The following KIAA1328 variants were observed in gnomAD, a reference collection of about 807,000 sequenced individuals.
KIAA1328 encodes the protein protein hinderin.
KIAA1328 carries 52 observed loss-of-function variants against 68.1 expected under a neutral mutation model. The ratio of observed to expected loss-of-function variants is 0.76; its 90% CI spans 0.61 to 0.96. The LOEUF is 0.96. Ranked by LOEUF, KIAA1328 falls within the 40% of genes least tolerant of loss-of-function variation. The probability of loss-of-function intolerance (pLI) is 0.00; values close to 1 mark genes in which losing one functional copy is unlikely to be tolerated. For missense variants in KIAA1328, 641 were observed against 677.6 expected, an observed-to-expected ratio of 0.95 and a Z score of 0.60; for synonymous variants, 232 against 239.4, an observed-to-expected ratio of 0.97 and a Z score of 0.28.
intron 6 of KIAA1328, among the ~76,000 whole-genome samples, chr18:37,007,557 C>T (rs117992693): frequency 2.2e-4 from 33 of 152,160 alleles, no homozygotes; most frequent in Non-Finnish European, 3.8e-4. Context: ...TTCAAAGTGC[C>T]TGTGGTTTTC....
chr18:37,137,874 C>CGTT (rs2058679188), intron 7 of KIAA1328, among the ~76,000 whole-genome samples: 1 of 152,132 alleles, frequency 6.6e-6, no homozygotes, highest in Non-Finnish European at 1.5e-5. Context: ...AGGTCCAAAC[C>CGTT]TGTCCTTATA....
chr18:37,150,192 A>G (rs922555075), intron 7 of KIAA1328, among the ~76,000 whole-genome samples: 1 of 152,172 alleles, frequency 6.6e-6, no homozygotes, highest in African/African-American at 2.4e-5. Flanking sequence ...AGAAGAAATA[A>G]TATCAATCTT....
chr18:37,103,418 C>T (rs1342590882), intron 7 of KIAA1328, among the ~76,000 whole-genome samples: 1 of 152,084 alleles, frequency 6.6e-6, no homozygotes, highest in Non-Finnish European at 1.5e-5. Flanking sequence ...ACAGTCTTTT[C>T]AATAAACCAT....
chr18:36,953,637 T>C (rs2051268179), intron 5 of KIAA1328, among the ~76,000 whole-genome samples: 1 of 152,110 alleles, frequency 6.6e-6, no homozygotes, highest in Admixed American at 6.6e-5. Context: ...AATACAGAAC[T>C]AAATGAAGTG....
chr18:37,001,757 A>G (rs1477656381), intron 6 of KIAA1328, among the ~76,000 whole-genome samples: 1 of 152,330 alleles, frequency 6.6e-6, no homozygotes, highest in East Asian at 1.9e-4. Flanking sequence ...CAAAAAGTAT[A>G]TGATCATCTC....
chr18:36,944,350 G>A (rs956052361), intron 5 of KIAA1328, among the ~76,000 whole-genome samples: 5 of 152,084 alleles, frequency 3.3e-5, no homozygotes, highest in African/African-American at 4.8e-5. Flanking sequence ...AGGACAAGGC[G>A]GGCGGATCAC....
rs1484085111 is a variant in KIAA1328 at position 37,160,213 on chromosome 18, A to G, written c.1246A>G (p.Asn416Asp). The change falls in exon 8 of 10, where the codon AAC (asparagine) becomes GAC (aspartate). Residue 416 changes from asparagine to aspartate, a missense_variant. By Grantham distance (23) the Asn-to-Asp change is conservative. Transcript: ENST00000280020. ...TTGTTCTTTCAGTTTATTGAAGTCA[A>G]ACTGTGATGGCTGGCTGCTTGGAAC... Reference protein sequence around the residue: ...RLDYNCLLKSNCDGWLLGTSS... With the variant: ...RLDYNCLLKSDCDGWLLGTSS... 1.9e-6 allele frequency: 3 copies of G among 1,612,068 alleles called. No homozygotes were observed. Among genetic ancestry groups the G allele is most frequent in the South Asian group, 1.1e-5 (1 of 90,682 alleles).
At chr18:36,958,260 T>A (rs1000982375) in intron 5 of KIAA1328, among the ~76,000 whole-genome samples, 1 of 152,216 alleles carries the variant, frequency 6.6e-6, no homozygotes, top group Non-Finnish European at 1.5e-5. Flanking sequence ...GTTGAATATG[T>A]ATATACAAGT....
At chr18:37,036,957 A>G (rs539686353) in intron 6 of KIAA1328, among the ~76,000 whole-genome samples, 1 of 152,270 alleles carries the variant, frequency 6.6e-6, no homozygotes, top group African/African-American at 2.4e-5. Flanking sequence ...TGATATACAG[A>G]CCCTAAGAAA....
In KIAA1328 at chr18:37,067,398, T is replaced by C; in HGVS notation, c.1085T>C (p.Ile362Thr). Residue 362 changes from isoleucine to threonine, a missense_variant, in exon 7 of 10, where the codon ATC becomes ACC. Ile to Thr is a moderately conservative substitution (Grantham distance 89). Coordinates refer to ENST00000280020, the MANE Select transcript of KIAA1328 (RefSeq NM_020776.3). The stretch of plus-strand genomic sequence containing the variant: ...CCCATTGAAACTTTGAAAAAGCAGA[T>C]CTCAGAAGATAGAAAGCAGCAACTG... Reference protein sequence around the residue: ...LQPIETLKKQISEDRKQQLML... With the variant: ...LQPIETLKKQTSEDRKQQLML... The C allele has an allele frequency of 6.2e-7, 1 of 1,612,514 alleles. No homozygotes were observed. The highest frequency in any genetic ancestry group is 8.5e-7 in the Non-Finnish European group (1 of 1,179,240).
chr18:37,058,903 T>G (rs2056035862), intron 6 of KIAA1328, among the ~76,000 whole-genome samples: 1 of 151,826 alleles, frequency 6.6e-6, no homozygotes, highest in South Asian at 2.1e-4. Flanking sequence ...GTGCAAGTTG[T>G]GTTTTTTTTT....
intron 5 of KIAA1328, among the ~76,000 whole-genome samples, chr18:36,889,954 C>T (rs1351767497): frequency 3.9e-5 from 6 of 152,280 alleles, no homozygotes; most frequent in African/African-American, 1.4e-4. Flanking sequence ...GTACCACTTG[C>T]ACCTGTTGAG....
intron 6 of KIAA1328, among the ~76,000 whole-genome samples, chr18:36,971,346 A>C (rs1352469063): frequency 2.0e-5 from 3 of 152,238 alleles, no homozygotes; most frequent in Admixed American, 6.5e-5. Flanking sequence ...TAAAAACCCT[A>C]GAAGAAAACC....
chr18:37,133,967 T>A (rs2058584780), intron 7 of KIAA1328, among the ~76,000 whole-genome samples: 1 of 152,134 alleles, frequency 6.6e-6, no homozygotes, highest in Middle Eastern at 3.2e-3. Flanking sequence ...TCATTTATCA[T>A]GCTATAGAGC....
chr18:36,998,181 G>A (rs1380769123), intron 6 of KIAA1328, among the ~76,000 whole-genome samples: 2 of 152,140 alleles, frequency 1.3e-5, no homozygotes, highest in African/African-American at 2.4e-5. Context: ...GATCCTGGGG[G>A]TTGCCCAACC....
chr18:37,132,538 G>C (rs1156891018), intron 7 of KIAA1328, among the ~76,000 whole-genome samples: 1 of 152,188 alleles, frequency 6.6e-6, no homozygotes, highest in Non-Finnish European at 1.5e-5. Flanking sequence ...TGGAACTCCT[G>C]GTAAATTATC....
chr18:36,969,170 G>A (rs1451692377), intron 6 of KIAA1328, among the ~76,000 whole-genome samples: 5 of 151,950 alleles, frequency 3.3e-5, no homozygotes, highest in Non-Finnish European at 7.4e-5. Context: ...GCACTAAACA[G>A]CCACATAAAA....
At chr18:37,181,867 A>G (rs2059704877) in intron 9 of KIAA1328, among the ~76,000 whole-genome samples, 1 of 152,234 alleles carries the variant, frequency 6.6e-6, no homozygotes, top group African/African-American at 2.4e-5. Context: ...CCATAATTTT[A>G]GAAACAATGT....
At chr18:37,160,168 C>T (rs1240863261) in intron 7 of KIAA1328, 32 bp from the exon 8 acceptor site, 3 of 1,584,386 alleles carry the variant, frequency 1.9e-6, no homozygotes, top group Non-Finnish European at 2.6e-6. Context: ...CCTTCTGTGC[C>T]TTCAACAGTT....
Sources: allele counts gnomAD v4.1 joint callset (sites outside exome capture counted in the v4.1 genomes callset), GRCh38; gene constraint gnomAD v4.1.1; transcripts MANE v1.5; gene names NCBI Gene and HGNC (gene_info 2026-07-23, HGNC 2026-07-21).